ADGRV1: variants seen among roughly 807,000 people sequenced by gnomAD.
The protein encoded by ADGRV1 is G-protein coupled receptor 98.
Under a neutral mutation model 596.2 loss-of-function variants are expected in ADGRV1, and 359 were observed. The ratio of observed to expected loss-of-function variants is 0.60; its 90% CI spans 0.55 to 0.66. The LOEUF is 0.66. Among genes scored for constraint, ADGRV1 ranks in the 30% least tolerant of loss-of-function variants. The probability of loss-of-function intolerance (pLI) is 0.00; values close to 1 mark genes in which losing one functional copy is unlikely to be tolerated. For synonymous variants in ADGRV1, 2,681 were observed against 2,679.2 expected, an observed-to-expected ratio of 1.00 and a Z score of -0.02; for missense variants, 7,274 against 7,575.6, an observed-to-expected ratio of 0.96 and a Z score of 1.48.
Position 91,102,239 on chromosome 5 carries a change from C to T in ADGRV1, c.18331C>T (p.Leu6111Phe), listed in dbSNP as rs1791446855. 1.2e-6 allele frequency: 2 copies of T among 1,608,872 alleles called. No homozygotes were observed. Among genetic ancestry groups the T allele is most frequent in the East Asian group, 2.2e-5 (1 of 44,692 alleles). Residue 6111 changes from leucine to phenylalanine, a missense_variant, in exon 87 of 90, where the codon CTC becomes TTC. Physicochemically the swap from Leu to Phe is conservative, Grantham distance 22. Coordinates refer to ENST00000405460, the MANE Select transcript of ADGRV1 (RefSeq NM_032119.4). Reference protein sequence around the residue: ...NAAEIPLILYLFALISVTWLW... With the variant: ...NAAEIPLILYFFALISVTWLW... ...TCTAGAAATTCCACTGATTTTATATCTCTTTGCTCTGATTTCCGTGACATG... is the reference window on the plus strand; with the variant it reads ...TCTAGAAATTCCACTGATTTTATATTTCTTTGCTCTGATTTCCGTGACATG...
chr5:90,597,477 G>A (rs897619568), intron 1 of ADGRV1, among the ~76,000 whole-genome samples: 1 of 152,152 alleles, frequency 6.6e-6, no homozygotes, highest in Non-Finnish European at 1.5e-5. Flanking sequence ...CAAAATGTGG[G>A]CATAACATTG....
At chr5:90,823,799 C>G (rs1763827395) in intron 76 of ADGRV1, among the ~76,000 whole-genome samples, 1 of 152,208 alleles carries the variant, frequency 6.6e-6, no homozygotes, top group South Asian at 2.1e-4. Context: ...ATAAACTTGT[C>G]ATTTTTCTAT....
chr5:90,624,583 G>T (rs1764496797), intron 5 of ADGRV1, among the ~76,000 whole-genome samples: 1 of 151,970 alleles, frequency 6.6e-6, no homozygotes, highest in Non-Finnish European at 1.5e-5. Flanking sequence ...TTTTCTCTAT[G>T]ATACTTATTA....
intron 85 of ADGRV1, among the ~76,000 whole-genome samples, chr5:91,045,013 G>A (rs190253306): frequency 1.8e-4 from 27 of 152,192 alleles, no homozygotes; most frequent in Non-Finnish European, 3.7e-4. Context: ...AGGATGAAAA[G>A]CATTTTATTA....
intron 64 of ADGRV1, 117 bp downstream of exon 64, chr5:90,779,214 AG>A: frequency 1.7e-6 from 1 of 590,116 alleles, no homozygotes. Context: ...ACTCTTTCTC[AG>A]ATTTGTGTGA....
At chr5:90,644,085 C>A in intron 14 of ADGRV1, 102 bp downstream of exon 14, 2 of 855,986 alleles carry the variant, frequency 2.3e-6, no homozygotes, top group Non-Finnish European at 3.5e-6. Flanking sequence ...GTTGCTCACC[C>A]TGCCTTAGAA....
At chr5:90,632,192 G>A (rs1251482693) in intron 9 of ADGRV1, among the ~76,000 whole-genome samples, 1 of 151,942 alleles carries the variant, frequency 6.6e-6, no homozygotes, top group Admixed American at 6.6e-5. Context: ...CTCCAGTCTT[G>A]CATAATCTAC....
intron 10 of ADGRV1, among the ~76,000 whole-genome samples, chr5:90,635,511 C>T (rs1766071248): frequency 1.3e-5 from 2 of 152,222 alleles, no homozygotes; most frequent in Middle Eastern, 3.4e-3. Context: ...TAATTGCTCA[C>T]AGTGAGTGTC....
chr5:91,013,151 A>G (rs555061346), intron 85 of ADGRV1, among the ~76,000 whole-genome samples: 1 of 151,946 alleles, frequency 6.6e-6, no homozygotes, highest in Non-Finnish European at 1.5e-5. Context: ...GGTTGATTCC[A>G]TGTCTTTGCC....
intron 87 of ADGRV1, among the ~76,000 whole-genome samples, chr5:91,107,673 A>C (rs990117706): frequency 6.6e-6 from 1 of 152,234 alleles, no homozygotes; most frequent in African/African-American, 2.4e-5. Flanking sequence ...GAAATAACTT[A>C]AACTATGTTG....
rs1245599228 is a variant in ADGRV1, at chr5:91,112,854, C to A, written c.18432+10514C>A. 4.6e-5 allele frequency among the ~76,000 whole-genome samples: 7 copies of A among 152,078 alleles called. 1 individual carries two copies. In the South Asian group the frequency reaches 1.2e-3, roughly 27 times the overall value. On this transcript the variant is annotated intron_variant, in intron 87 of 89. Transcript: ENST00000405460. ...GCTGATTTTGCCTCTAAATTTTGTCCTAAGGATTGTGTAAAAATATATGTG... is the reference window on the plus strand; with the variant it reads ...GCTGATTTTGCCTCTAAATTTTGTCATAAGGATTGTGTAAAAATATATGTG...
At chr5:90,847,378 G>A (rs1039584225) in intron 78 of ADGRV1, among the ~76,000 whole-genome samples, 1 of 152,210 alleles carries the variant, frequency 6.6e-6, no homozygotes, top group African/African-American at 2.4e-5. Flanking sequence ...ACAGAGTGCC[G>A]ATTGGTGTAT....
Position 90,628,572 on chromosome 5 carries a change from A to G in ADGRV1, c.1249A>G (p.Ile417Val). 1 of 1,613,592 alleles carries G rather than the reference A, an allele frequency of 6.2e-7. No homozygotes were observed. The highest frequency in any genetic ancestry group is 8.5e-7 in the Non-Finnish European group (1 of 1,179,540). ...DEDRISRYEE[I>V]TVVRNGGTHG... is the part of the protein sequence containing the mutation. ...TTTAAAACATTTAAGATATGAAGAA[A>G]TCACAGTGGTTAGAAATGGAGGAAC... The change falls in exon 8 of 90, where the codon ATC becomes GTC. Residue 417 changes from isoleucine (I) to valine (V), a missense_variant. Physicochemically the swap from Ile to Val is conservative, Grantham distance 29. Coordinates refer to ENST00000405460, the MANE Select transcript of ADGRV1 (RefSeq NM_032119.4).
At chr5:90,672,488 A>G in intron 21 of ADGRV1, 58 bp from the exon 22 acceptor site, 2 of 1,356,590 alleles carry the variant, frequency 1.5e-6, no homozygotes, top group Non-Finnish European at 2.1e-6. Context: ...GAAGCATTGT[A>G]ATTTTGTCAC....
At position 90,800,182 on chromosome 5, in the gene ADGRV1, G is replaced by A. The variant is rs538323201; in HGVS notation, c.14518-2557G>A. Among the ~76,000 whole-genome samples the A allele has an allele frequency of 4.6e-5, 7 of 152,168 alleles. No individual in the cohort carries two copies. In the South Asian group the frequency reaches 1.2e-3, roughly 27 times the overall value. On this transcript the variant is annotated intron_variant, in intron 70 of 89. Transcript: ENST00000405460. ...GAAAATTTTTGCAATCTATCCATCT[G>A]ACAAAGGGCTAATATCCAGAATCTA...
chr5:91,113,659 C>T lies in ADGRV1; in HGVS notation c.18432+11319C>T, dbSNP rs942090523. 2.0e-5 allele frequency among the ~76,000 whole-genome samples: 3 copies of T among 152,286 alleles called. No individual in the cohort carries two copies. In the South Asian group the frequency reaches 6.2e-4, roughly 32 times the overall value. On this transcript the variant is annotated intron_variant, in intron 87 of 89. Transcript: ENST00000405460. ...ATAGGCTGGGTGCAGTGGCTCATGC[C>T]TATAATCCCAGCACTTTGGGAGGCC...
At chr5:90,698,133 G>A (rs1747442446) in intron 34 of ADGRV1, among the ~76,000 whole-genome samples, 1 of 152,128 alleles carries the variant, frequency 6.6e-6, no homozygotes, top group Non-Finnish European at 1.5e-5. Context: ...ATTGCATGTT[G>A]TCATAGCAGT....
Position 90,658,005 on chromosome 5 carries a change from A to G in ADGRV1, c.4479A>G (p.Glu1493=). The G allele has an allele frequency of 6.2e-7, 1 of 1,614,016 alleles. No individual in the cohort carries two copies. The highest frequency in any genetic ancestry group is 8.5e-7 in the Non-Finnish European group (1 of 1,179,870). The change falls in exon 21 of 90, where the codon GAA becomes GAG. Residue 1493 remains glutamate (E), a synonymous_variant. Transcript: ENST00000405460. ...CCTATGAGCGGAAACTGACGCTTGA[A>G]GAAATTTATGAACTTCATGCCATGC... ...VRSYERKLTL[E]EIYELHAMPA...
Position 90,759,624 on chromosome 5 carries a change from G to A in ADGRV1, c.12120+36G>A, listed in dbSNP as rs142178471. On this transcript the variant is annotated intron_variant, in intron 58 of 89. Transcript: ENST00000405460. Reference sequence around the variant, plus strand: ...CATATCAGGGGAAAGCCTTGTTTCAGGCTAGCGTTTCATGTAATTTTGAGT... The same window carrying A: ...CATATCAGGGGAAAGCCTTGTTTCAAGCTAGCGTTTCATGTAATTTTGAGT... 298 of 1,573,764 alleles carry A rather than the reference G, an allele frequency of 1.9e-4. 3 individuals are homozygous for A. The African/African-American group carries it at 3.5e-3, about 18-fold the overall frequency.
Sources: gnomAD v4.1 joint callset for allele counts (sites outside exome capture counted in the v4.1 genomes callset) on GRCh38, gnomAD v4.1.1 for gene constraint, MANE v1.5 for transcripts, NCBI Gene and HGNC (gene_info 2026-07-23, HGNC 2026-07-21) for gene names.